The following GOLGA8H variants were observed in gnomAD, a reference collection of about 807,000 sequenced individuals.
GOLGA8H encodes golgin subfamily A member 8H.
GOLGA8H carries 47 observed loss-of-function variants against 82.7 expected under a neutral mutation model. That is an observed-to-expected ratio of 0.57 (90% CI 0.45 to 0.73). The LOEUF (loss-of-function observed/expected upper bound fraction) is 0.73, where lower values mean the gene tolerates loss of function less well. GOLGA8H is among the 30% of genes least tolerant of loss of function. The probability of loss-of-function intolerance (pLI) is 0.00; values close to 1 mark genes in which losing one functional copy is unlikely to be tolerated. For synonymous variants in GOLGA8H, 108 were observed against 241.6 expected (o/e 0.45, Z 5.13); for missense variants, 372 against 661.0 (o/e 0.56, Z 4.79).
chr15:30,610,041 T>A lies in GOLGA8H; in HGVS notation c.721T>A (p.Cys241Ser). 1 of 1,611,470 alleles carries A rather than the reference T, an allele frequency of 6.2e-7. No homozygotes were observed. ...FQQVQLERDE[C>S]AEHLKGERAR... ...ACAAGTCCAATTAGAAAGAGATGAG[T>A]GTGCTGAACATCTAAAAGGAGAGAG... The change falls in exon 10 of 19, where the codon TGT becomes AGT. Residue 241 changes from cysteine to serine, a missense_variant. Coordinates refer to ENST00000566740, the MANE Select transcript of GOLGA8H (RefSeq NM_001282490.2).
At chr15:30,608,826 C>T in intron 8 of GOLGA8H, 70 bp downstream of exon 8, 1 of 1,300,720 alleles carries the variant, frequency 7.7e-7, no homozygotes, top group South Asian at 1.2e-5. Flanking sequence ...CCTAAAGGTC[C>T]CTTCTGCAGG....
rs773090336 is a variant in GOLGA8H at position 30,610,058 on chromosome 15, A to T, written c.738A>T (p.Lys246Asn). 5.6e-6 allele frequency: 9 copies of T among 1,611,380 alleles called. No homozygotes were observed. The African/African-American group carries it at 1.2e-4, about 22-fold the overall frequency. The change falls in exon 10 of 19, where the codon AAA (lysine) becomes AAT (asparagine). Residue 246 changes from lysine to asparagine, a missense_variant. Transcript: ENST00000566740. The part of the protein sequence containing the change: ...LERDECAEHL[K>N]GERARWQQRM... The stretch of plus-strand genomic sequence containing the variant: ...GAGATGAGTGTGCTGAACATCTAAA[A>T]GGAGAGAGGGCCCGGTGGCAGCAGA...
At chr15:30,609,023 A>G (rs1290609137) in intron 8 of GOLGA8H, among the ~76,000 whole-genome samples, 1 of 134,836 alleles carries the variant, frequency 7.4e-6, no homozygotes, top group East Asian at 2.0e-4. Flanking sequence ...GGTCTTGAGC[A>G]AGTCCTAGGT....
rs1317305957 is a variant in GOLGA8H, at chr15:30,614,383, A to C, written c.1724-3A>C. 6.5e-7 allele frequency: 1 copy of C among 1,536,098 alleles called. No homozygotes were observed. The highest frequency in any genetic ancestry group is 8.7e-7 in the Non-Finnish European group (1 of 1,143,106). ...TCAGATCCCTGCCTCCCTCTCTCCAAAGATCTTTGTGAGGTGAGCCTCACC... is the reference window on the plus strand; with the variant it reads ...TCAGATCCCTGCCTCCCTCTCTCCACAGATCTTTGTGAGGTGAGCCTCACC... On this transcript the variant is annotated splice_polypyrimidine_tract_variant and splice_region_variant and intron_variant, in intron 18 of 18. Coordinates refer to ENST00000566740, the MANE Select transcript of GOLGA8H (RefSeq NM_001282490.2).
At chr15:30,607,682 C>G (rs1294554127) in intron 4 of GOLGA8H, 3 of 555,828 alleles carry the variant, frequency 5.4e-6, no homozygotes, top group Non-Finnish European at 6.4e-6. Context: ...AGAACCGTAC[C>G]TGGTCCATAC....
chr15:30,606,426 G>T (rs530308098), intron 2 of GOLGA8H, among the ~76,000 whole-genome samples: 2,865 of 150,652 alleles, frequency 0.019, 137 homozygotes, highest in African/African-American at 0.06. Context: ...ATGATTTAGG[G>T]CAAGTTGCTA....
At chr15:30,609,103 G>A (rs959399079) in intron 8 of GOLGA8H, among the ~76,000 whole-genome samples, 3 of 116,474 alleles carry the variant, frequency 2.6e-5, no homozygotes, top group Non-Finnish European at 5.4e-5. Flanking sequence ...TCTGTAGAAA[G>A]AGGAAACGTG....
chr15:30,612,523 G>T lies in GOLGA8H; in HGVS notation c.1201-74G>T. The T allele has an allele frequency of 9.1e-6, 12 of 1,325,368 alleles. 2 individuals carry two copies. The highest frequency in any genetic ancestry group is 1.2e-5 in the Non-Finnish European group (11 of 949,646). 82.1% of individuals were successfully genotyped at this position (1,325,368 alleles called of 1,614,324 possible). ...AGTTGCAGGAGACCCAGGGGAGGGA[G>T]CTGCTGAGGATGGGGCTGTGAGGGG... On this transcript the variant is annotated intron_variant, in intron 13 of 18. Transcript: ENST00000566740.
rs4042298 is a variant in GOLGA8H, at chr15:30,616,096, G to T, written c.*1535G>T. Among the ~76,000 whole-genome samples the T allele has an allele frequency of 6.6e-6, 1 of 151,928 alleles. No individual in the cohort carries two copies. Among genetic ancestry groups the T allele is most frequent in the Non-Finnish European group, 1.5e-5 (1 of 67,980 alleles). ...TTTCTGTTCGGGACATATTTTGTGC[G>T]ATATTTATGTGATTGTGCCTATGCA... On this transcript the variant is annotated 3_prime_UTR_variant, in exon 19 of 19. Transcript: ENST00000566740.
At position 30,605,903 on chromosome 15, in the gene GOLGA8H, A is replaced by G. The variant is rs1306476763; in HGVS notation, c.109A>G (p.Lys37Glu). 5 of 1,591,088 alleles carry G rather than the reference A, an allele frequency of 3.1e-6. No individual in the cohort carries two copies. In the East Asian group the frequency reaches 6.7e-5, roughly 21 times the overall value. Residue 37 changes from lysine (K) to glutamate (E), a missense_variant, in exon 2 of 19, where the codon AAA (lysine) becomes GAA (glutamate). Transcript: ENST00000566740. ...RVPAGANRNR[K>E]TNGSVPEKAT... The stretch of plus-strand genomic sequence containing the variant: ...TCCAGCAGGAGCGAACAGGAACAGG[A>G]AAACAAATGGCAGTGTCCCTGAGAA...
rs757111658 is a variant in GOLGA8H, at chr15:30,614,471, C to A, written c.1809C>A (p.Ile603=). Residue 603 remains isoleucine (I), a synonymous_variant, in exon 19 of 19, where the codon ATC becomes ATA. Transcript: ENST00000566740. The part of the protein sequence containing the change: ...PLLDKPTAQP[I]VQDHQEHPGL... ...TTGACAAGCCTACTGCACAGCCGAT[C>A]GTGCAGGACCACCAGGAGCACCCAG... The A allele has an allele frequency of 6.3e-7, 1 of 1,599,048 alleles. No individual in the cohort carries two copies. The highest frequency in any genetic ancestry group is 1.4e-5 in the African/African-American group (1 of 74,008).
At chr15:30,609,119 G>C (rs1488241913) in intron 8 of GOLGA8H, among the ~76,000 whole-genome samples, 1 of 38,372 alleles carries the variant, frequency 2.6e-5, no homozygotes, top group Middle Eastern at 0.013. Context: ...ACGTGTGTGC[G>C]TGTGTGTGTG....
intron 2 of GOLGA8H, among the ~76,000 whole-genome samples, chr15:30,606,537 G>A (rs1442652425): frequency 6.6e-6 from 1 of 151,588 alleles, no homozygotes; most frequent in Non-Finnish European, 1.5e-5. Context: ...TTGTTTTTAT[G>A]TTAATCCCTA....
chr15:30,609,773 C>T, intron 8 of GOLGA8H, 33 bp from the exon 9 acceptor site: 2 of 1,548,190 alleles, frequency 1.3e-6, no homozygotes, highest in Non-Finnish European at 1.8e-6. Context: ...CCCAGGCTCT[C>T]CAGATTGAAA....
At position 30,616,074 on chromosome 15, in the gene GOLGA8H, C is replaced by G. The variant is rs2060102141; in HGVS notation, c.*1513C>G. On this transcript the variant is annotated 3_prime_UTR_variant, in exon 19 of 19. Transcript: ENST00000566740. Reference sequence around the variant, plus strand: ...AATATGTTTTTGTACCTCTGGGTTTCTGTTCGGGACATATTTTGTGCGATA... The same window carrying G: ...AATATGTTTTTGTACCTCTGGGTTTGTGTTCGGGACATATTTTGTGCGATA... Among the ~76,000 whole-genome samples the G allele has an allele frequency of 6.6e-6, 1 of 151,892 alleles. No individual in the cohort carries two copies. Among genetic ancestry groups the G allele is most frequent in the East Asian group, 1.9e-4 (1 of 5,178 alleles).
rs970922855 is a variant in GOLGA8H, at chr15:30,615,350, G to C, written c.*789G>C. 1.2e-4 allele frequency among the ~76,000 whole-genome samples: 18 copies of C among 151,930 alleles called. No individual in the cohort carries two copies. The highest frequency in any genetic ancestry group is 4.3e-4 in the African/African-American group (18 of 41,390). On this transcript the variant is annotated 3_prime_UTR_variant, in exon 19 of 19. Transcript: ENST00000566740. ...AGATACTGCATCATGAGCTGCAGCA[G>C]TTGCACTCTTTTTCGATGACCTAAA...
rs1173490703 is a variant in GOLGA8H, at chr15:30,615,458, CTACAA to C, written c.*902_*906del. ...CTTTCCTAGCTTAGAGCATTTGTAT[CTACAA>C]TACATTTTAAAGTCAGAGTTCATGT... On this transcript the variant is annotated 3_prime_UTR_variant, in exon 19 of 19. Transcript: ENST00000566740. Among the ~76,000 whole-genome samples the C allele has an allele frequency of 5.9e-5, 9 of 151,730 alleles. No homozygotes were observed. The highest frequency in any genetic ancestry group is 2.1e-4 in the South Asian group (1 of 4,814).
At chr15:30,608,419 A>C (rs770233785) in intron 6 of GOLGA8H, 41 bp downstream of exon 6, 3 of 1,579,512 alleles carry the variant, frequency 1.9e-6, no homozygotes, top group Non-Finnish European at 2.6e-6. Context: ...CCTCCGGAGA[A>C]GGTTTCTTTC....
At chr15:30,609,745 G>A (rs1219853014) in intron 8 of GOLGA8H, 61 bp from the exon 9 acceptor site, 35 of 1,578,328 alleles carry the variant, frequency 2.2e-5, no homozygotes, top group Non-Finnish European at 2.9e-5. Flanking sequence ...TCCTTTTAAG[G>A]GGCACTGTGT....
Sources: allele counts gnomAD v4.1 joint callset (sites outside exome capture counted in the v4.1 genomes callset), GRCh38; gene constraint gnomAD v4.1.1; transcripts MANE v1.5; gene names NCBI Gene and HGNC (gene_info 2026-07-23, HGNC 2026-07-21).